The following ABTB3 variants were observed in gnomAD, a reference collection of about 807,000 sequenced individuals.
ABTB3 encodes the protein ankyrin repeat and BTB domain containing 3, also known as ankyrin repeat- and BTB/POZ domain-containing protein 3.
At chr12:107,604,637 AG>A in the ABTB3 span, among the ~76,000 whole-genome samples, 1 of 152,208 alleles carries the variant, frequency 6.6e-6, no homozygotes, top group Admixed American at 6.5e-5. Context: ...AAGAGTGTCA[AG>A]AAAAGGAACC....
At chr12:107,578,383 CTTTT>C in the ABTB3 span, among the ~76,000 whole-genome samples, 1,347 of 56,898 alleles carry the variant, frequency 0.024, 2 homozygotes, top group African/African-American at 0.087. Flanking sequence ...CTTTCTTCTT[CTTTT>C]TTTTTTTTTT....
the ABTB3 span, among the ~76,000 whole-genome samples, chr12:107,503,582 A>T: frequency 1.4e-4 from 21 of 151,384 alleles, no homozygotes; most frequent in Non-Finnish European, 2.8e-4. Flanking sequence ...ACATGATGAG[A>T]CCCCGTCTAT....
the ABTB3 span, among the ~76,000 whole-genome samples, chr12:107,461,457 C>G: frequency 2.6e-5 from 4 of 151,690 alleles, no homozygotes; most frequent in Non-Finnish European, 4.4e-5. Flanking sequence ...TTCTGGGAGC[C>G]TCCAGAAGCC....
At chr12:107,562,311 C>T in the ABTB3 span, among the ~76,000 whole-genome samples, 1 of 152,188 alleles carries the variant, frequency 6.6e-6, no homozygotes, top group Non-Finnish European at 1.5e-5. Flanking sequence ...AAACCAAGAA[C>T]AACTTCTGAA....
At chr12:107,510,305 A>C in the ABTB3 span, among the ~76,000 whole-genome samples, 20 of 152,080 alleles carry the variant, frequency 1.3e-4, no homozygotes, top group Non-Finnish European at 1.8e-4. Flanking sequence ...CTCCTCCTGC[A>C]GCCAGAGACA....
At chr12:107,626,170 G>A in the ABTB3 span, among the ~76,000 whole-genome samples, 4 of 151,994 alleles carry the variant, frequency 2.6e-5, no homozygotes, top group African/African-American at 9.7e-5. Flanking sequence ...GTCGTCTGCC[G>A]CCTTCTCTCT....
chr12:107,440,288 A>G, the ABTB3 span, among the ~76,000 whole-genome samples: 1 of 152,182 alleles, frequency 6.6e-6, no homozygotes, highest in Admixed American at 6.5e-5. Flanking sequence ...GGTGTCCTCC[A>G]CACAGCCACA....
chr12:107,536,215 C>T, the ABTB3 span, among the ~76,000 whole-genome samples: 1 of 152,166 alleles, frequency 6.6e-6, no homozygotes, highest in Non-Finnish European at 1.5e-5. Context: ...AGATCCCTAT[C>T]TCTCACCATA....
At chr12:107,567,417 G>A in the ABTB3 span, among the ~76,000 whole-genome samples, 2 of 152,282 alleles carry the variant, frequency 1.3e-5, no homozygotes, top group Non-Finnish European at 2.9e-5. Context: ...TGAGATTATG[G>A]TACTGTATTT....
the ABTB3 span, among the ~76,000 whole-genome samples, chr12:107,411,510 G>A: frequency 6.6e-6 from 1 of 152,156 alleles, no homozygotes; most frequent in Non-Finnish European, 1.5e-5. Context: ...AATTAATGTG[G>A]GATATTCTAT....
chr12:107,423,345 G>A, the ABTB3 span, among the ~76,000 whole-genome samples: 1 of 152,140 alleles, frequency 6.6e-6, no homozygotes, highest in African/African-American at 2.4e-5. Context: ...AGAGTGCTTC[G>A]CCACACATTA....
chr12:107,490,347 T>C, the ABTB3 span, among the ~76,000 whole-genome samples: 3 of 152,180 alleles, frequency 2.0e-5, no homozygotes, highest in Admixed American at 6.5e-5. Flanking sequence ...ACTGCCATCA[T>C]TGTGACTGGA....
At chr12:107,515,557 C>T in the ABTB3 span, among the ~76,000 whole-genome samples, 1 of 152,194 alleles carries the variant, frequency 6.6e-6, no homozygotes, top group Admixed American at 6.5e-5. Context: ...CCAGGACCAT[C>T]AGATGAGGAA....
At chr12:107,397,507 G>A in the ABTB3 span, among the ~76,000 whole-genome samples, 1 of 152,042 alleles carries the variant, frequency 6.6e-6, no homozygotes, top group Admixed American at 6.6e-5. Flanking sequence ...GTTCCTGATA[G>A]ATTTTTGGAC....
the ABTB3 span, among the ~76,000 whole-genome samples, chr12:107,466,300 G>A: frequency 1.3e-5 from 2 of 152,070 alleles, no homozygotes; most frequent in Non-Finnish European, 2.9e-5. Context: ...AGAGGGCAGA[G>A]GGAAGTGAGG....
the ABTB3 span, among the ~76,000 whole-genome samples, chr12:107,616,567 G>A: frequency 2.0e-5 from 3 of 152,220 alleles, no homozygotes; most frequent in Admixed American, 2.0e-4. Context: ...AGAAACCTTA[G>A]CATTTGCTAA....
At chr12:107,342,567 C>T in the ABTB3 span, among the ~76,000 whole-genome samples, 1 of 152,130 alleles carries the variant, frequency 6.6e-6, no homozygotes, top group Admixed American at 6.5e-5. Context: ...TCCTGAACAC[C>T]CCAGATCAGC....
the ABTB3 span, chr12:107,640,186 C>A: frequency 1.7e-6 from 1 of 573,364 alleles, no homozygotes; most frequent in Non-Finnish European, 3.0e-6. Flanking sequence ...TGGTTGCTGT[C>A]TTGCCAAAGA....
At chr12:107,597,867 CT>C in the ABTB3 span, among the ~76,000 whole-genome samples, 1 of 152,214 alleles carries the variant, frequency 6.6e-6, no homozygotes, top group Non-Finnish European at 1.5e-5. Context: ...GCTATGGCCC[CT>C]GGGTCACCTT....
Sources: allele counts gnomAD v4.1 joint callset (sites outside exome capture counted in the v4.1 genomes callset), GRCh38; gene constraint gnomAD v4.1.1; transcripts MANE v1.5; gene names NCBI Gene and HGNC (gene_info 2026-07-23, HGNC 2026-07-21).